Variants in EXOC4 observed in about 807,000 individuals in gnomAD.
EXOC4 encodes the protein SEC8-like 1.
A neutral mutation model predicts 107.2 loss-of-function variants in EXOC4; 71 were observed. The observed-to-expected ratio is 0.66, with a 90% CI of 0.55 to 0.81. The LOEUF is 0.81. EXOC4 is among the 30% of genes least tolerant of loss of function. The pLI, the probability that EXOC4 is intolerant of heterozygous loss-of-function variation, is 0.00. For synonymous variants in EXOC4, 456 were observed against 441.2 expected, an observed-to-expected ratio of 1.03 and a Z score of -0.42; for missense variants, 1,108 against 1,189.6, an observed-to-expected ratio of 0.93 and a Z score of 1.01.
In EXOC4 at chr7:133,477,124, C is replaced by A. The variant is rs11771148; in HGVS notation, c.1328+1651C>A. Among the ~76,000 whole-genome samples the A allele has an allele frequency of 1.1e-3, 170 of 152,022 alleles. 1 individual carries two copies. Among genetic ancestry groups the A allele is most frequent in the African/African-American group, 3.9e-3 (161 of 41,434 alleles). Reference sequence around the variant, plus strand: ...TACCCTATTTAACATCTTGTATTAGCGTCTGTTTGTTAGAATTGATGAACC... The same window carrying A: ...TACCCTATTTAACATCTTGTATTAGAGTCTGTTTGTTAGAATTGATGAACC... On this transcript the variant is annotated intron_variant, in intron 8 of 17. Transcript: ENST00000253861.
chr7:133,686,831 T>G (rs1249450093), intron 10 of EXOC4, among the ~76,000 whole-genome samples: 3 of 152,132 alleles, frequency 2.0e-5, no homozygotes, highest in Non-Finnish European at 4.4e-5. Flanking sequence ...TAGAAGTACC[T>G]TTTGATCCAG....
chr7:133,971,486 C>T (rs1180673321), intron 14 of EXOC4, among the ~76,000 whole-genome samples: 2 of 147,780 alleles, frequency 1.4e-5, no homozygotes, highest in East Asian at 2.0e-4. Flanking sequence ...CACATATATA[C>T]ATAAATATAT....
intron 11 of EXOC4, among the ~76,000 whole-genome samples, chr7:133,829,756 G>A (rs1298520247): frequency 6.6e-6 from 1 of 152,196 alleles, no homozygotes; most frequent in Non-Finnish European, 1.5e-5. Context: ...TTTGTTTAAA[G>A]ATGAAGCTGT....
At chr7:133,983,045 G>T (rs562901270) in intron 14 of EXOC4, among the ~76,000 whole-genome samples, 5 of 151,900 alleles carry the variant, frequency 3.3e-5, no homozygotes, top group South Asian at 4.1e-4. Context: ...AGAAAGGACA[G>T]TGCTAGCATC....
At chr7:133,895,422 G>A (rs1030459461) in intron 11 of EXOC4, among the ~76,000 whole-genome samples, 177 bp from the exon 12 acceptor site, 6 of 152,172 alleles carry the variant, frequency 3.9e-5, no homozygotes, top group Non-Finnish European at 7.3e-5. Context: ...GTAGACCAGA[G>A]CTGTTCCTAT....
intron 3 of EXOC4, among the ~76,000 whole-genome samples, chr7:133,304,451 C>T (rs1794708971): frequency 6.6e-6 from 1 of 152,092 alleles, no homozygotes; most frequent in African/African-American, 2.4e-5. Context: ...CAGAGCTGGC[C>T]CAGGGCTTGT....
intron 11 of EXOC4, among the ~76,000 whole-genome samples, chr7:133,880,104 C>T (rs7791645): frequency 0.14 from 21,114 of 152,108 alleles, 1,658 homozygotes; most frequent in African/African-American, 0.19. Context: ...GTATCCAAAC[C>T]TCCCCGTCCT....
In EXOC4 at chr7:133,318,512, C is replaced by T. The variant is rs544952184; in HGVS notation, c.763+1122C>T. On this transcript the variant is annotated intron_variant, in intron 5 of 17. Coordinates refer to ENST00000253861, the MANE Select transcript of EXOC4 (RefSeq NM_021807.4). ...AGCCAAAATCTTCATTGCCTTTTAA[C>T]GAAATTGTAATGTTTATTATCATTG... is the stretch of plus-strand genomic sequence containing the variant. Among the ~76,000 whole-genome samples the T allele has an allele frequency of 5.3e-5, 8 of 152,122 alleles. No homozygotes were observed. The South Asian group carries it at 8.3e-4, about 16-fold the overall frequency.
intron 17 of EXOC4, among the ~76,000 whole-genome samples, chr7:134,046,127 T>G (rs1795644420): frequency 6.6e-6 from 1 of 152,134 alleles, no homozygotes; most frequent in African/African-American, 2.4e-5. Flanking sequence ...ACAGCTTGAT[T>G]CCTCTTGACA....
At chr7:133,626,934 C>T (rs149108055) in intron 9 of EXOC4, among the ~76,000 whole-genome samples, 49 of 152,218 alleles carry the variant, frequency 3.2e-4, no homozygotes, top group African/African-American at 1.1e-3. Flanking sequence ...TACATTGATT[C>T]GGGTTTTGAC....
rs1037899889 is a variant in EXOC4 at position 133,860,581 on chromosome 7, C to T, written c.1735-35018C>T. 4.6e-5 allele frequency among the ~76,000 whole-genome samples: 7 copies of T among 152,172 alleles called. 1 individual carries two copies. The highest frequency in any genetic ancestry group is 1.7e-4 in the African/African-American group (7 of 41,446). ...CTTTGGGCAAATATTTTCATATCTA[C>T]TAGTTTTTATTTATTTTAGAGAAAT... On this transcript the variant is annotated intron_variant, in intron 11 of 17. Coordinates refer to ENST00000253861, the MANE Select transcript of EXOC4 (RefSeq NM_021807.4).
intron 10 of EXOC4, among the ~76,000 whole-genome samples, chr7:133,792,134 G>A (rs1452768569): frequency 6.6e-6 from 1 of 152,096 alleles, no homozygotes; most frequent in Admixed American, 6.5e-5. Context: ...CCCATCATGA[G>A]GATCCTGATT....
intron 5 of EXOC4, among the ~76,000 whole-genome samples, chr7:133,348,908 T>A (rs1037697792): frequency 6.6e-6 from 1 of 152,280 alleles, no homozygotes; most frequent in East Asian, 1.9e-4. Context: ...ATTCAAAAAG[T>A]TTATTTGTTA....
intron 9 of EXOC4, among the ~76,000 whole-genome samples, chr7:133,578,374 C>G (rs919947051): frequency 1.3e-5 from 2 of 152,076 alleles, no homozygotes; most frequent in Non-Finnish European, 2.9e-5. Flanking sequence ...AAAAATATAG[C>G]TTCTTGTTCT....
intron 8 of EXOC4, among the ~76,000 whole-genome samples, chr7:133,476,010 T>C (rs1799004014): frequency 6.6e-6 from 1 of 152,138 alleles, no homozygotes; most frequent in Admixed American, 6.5e-5. Flanking sequence ...TTAATAATAT[T>C]GATAATAACT....
At chr7:133,543,487 C>T (rs192739801) in intron 9 of EXOC4, among the ~76,000 whole-genome samples, 13 of 152,124 alleles carry the variant, frequency 8.5e-5, no homozygotes, top group African/African-American at 2.9e-4. Flanking sequence ...TCCTGAGTTG[C>T]TGCCCCCTTG....
chr7:133,505,201 A>G (rs1799645521), intron 9 of EXOC4, among the ~76,000 whole-genome samples: 1 of 152,106 alleles, frequency 6.6e-6, no homozygotes, highest in Non-Finnish European at 1.5e-5. Flanking sequence ...TGGACACTTA[A>G]GGTTTATAGT....
At chr7:134,074,758 G>A in the EXOC4 span, among the ~76,000 whole-genome samples, 13 of 152,182 alleles carry the variant, frequency 8.5e-5, no homozygotes, top group South Asian at 2.1e-4. Flanking sequence ...CATGAATGTC[G>A]CATGGAAAGA....
intron 14 of EXOC4, among the ~76,000 whole-genome samples, chr7:133,990,827 A>G (rs1794238655): frequency 6.6e-6 from 1 of 152,018 alleles, no homozygotes; most frequent in Non-Finnish European, 1.5e-5. Flanking sequence ...ACCATTCATG[A>G]ATTGGTGGAT....
Sources: gnomAD v4.1 joint callset for allele counts (sites outside exome capture counted in the v4.1 genomes callset) on GRCh38, gnomAD v4.1.1 for gene constraint, MANE v1.5 for transcripts, NCBI Gene and HGNC (gene_info 2026-07-23, HGNC 2026-07-21) for gene names.